USP28: variants seen among roughly 807,000 people sequenced by gnomAD.
USP28 encodes the protein ubiquitin carboxyl-terminal hydrolase 28.
A neutral mutation model predicts 145.0 loss-of-function variants in USP28; 113 were observed. The observed-to-expected ratio is 0.78, with a 90% confidence interval of 0.67 to 0.91. The LOEUF (loss-of-function observed/expected upper bound fraction) is 0.91. Among genes scored for constraint, USP28 ranks in the 40% least tolerant of loss-of-function variants. USP28 has a pLI of 0.00. For missense variants in USP28, 1,201 were observed against 1,289.6 expected (o/e 0.93, Z 1.05); for synonymous variants, 447 against 450.9 (o/e 0.99, Z 0.11).
intron 15 of USP28, among the ~76,000 whole-genome samples, chr11:113,813,381 C>T (rs1346406883): frequency 6.6e-6 from 1 of 152,188 alleles, no homozygotes; most frequent in East Asian, 1.9e-4. Context: ...CTCCTGGAGG[C>T]TCTTTACCCC....
chr11:113,852,339 C>A (rs2428008), intron 3 of USP28, among the ~76,000 whole-genome samples, 162 bp downstream of exon 3: 121,398 of 152,274 alleles, frequency 0.8, 48,624 homozygotes, highest in East Asian at 0.89. Context: ...GAACTTTTTA[C>A]GTGCTTAGAA....
exon 17 of USP28, chr11:113,809,080 T>C (rs750715680): frequency 1.9e-6 from 3 of 1,613,980 alleles, no homozygotes; most frequent in Admixed American, 3.3e-5. Context: ...TGTAGAGTAG[T>C]CCTGTGATGA....
chr11:113,819,304 G>C (rs1213914568), intron 12 of USP28, among the ~76,000 whole-genome samples: 1 of 151,870 alleles, frequency 6.6e-6, no homozygotes, highest in Non-Finnish European at 1.5e-5. Flanking sequence ...GTAGAGATGG[G>C]GTTTTGCTGT....
chr11:113,803,225 A>T (rs942580497), exon 23 of USP28: 1 of 1,614,052 alleles, frequency 6.2e-7, no homozygotes, highest in Non-Finnish European at 8.5e-7. Context: ...CCCCTTCATC[A>T]GCAGGGCAGC....
At position 113,834,417 on chromosome 11, in the gene USP28, T is replaced by G. The variant is rs140335354; in HGVS notation, c.535-82A>C. 2.6e-5 allele frequency: 25 copies of G among 948,760 alleles called. No homozygotes were observed. In the African/African-American group the frequency reaches 4.3e-4, roughly 16 times the overall value. 58.8% of individuals were successfully genotyped at this position (948,760 alleles called of 1,614,324 possible). A position where few individuals can be genotyped will look rare whatever the true frequency, so the allele number is the denominator to read the frequency against. On this transcript the variant is annotated intron_variant, in intron 5 of 24. Coordinates refer to ENST00000003302, the Ensembl canonical transcript of USP28. ...TATGTATTTTTCACTTCAAATATTT[T>G]ATTTCATATTTAAAAGTATGCAAAA...
At chr11:113,834,198 G>A in intron 6 of USP28, 51 bp downstream of exon 6, 2 of 1,404,980 alleles carry the variant, frequency 1.4e-6, no homozygotes, top group Non-Finnish European at 2.0e-6. Flanking sequence ...AGAAGCCTTA[G>A]GGATGAAAGG....
At chr11:113,832,828 T>C (rs1351643496) in intron 7 of USP28, among the ~76,000 whole-genome samples, 1 of 152,130 alleles carries the variant, frequency 6.6e-6, no homozygotes, top group African/African-American at 2.4e-5. Flanking sequence ...TGGAGTACAG[T>C]AGTGCAATCA....
At position 113,805,144 on chromosome 11, in the gene USP28, A is replaced by AATTTT. The variant is rs1939722301; in HGVS notation, c.2401-99_2401-98insAAAAT. On this transcript the variant is annotated intron_variant, in intron 19 of 24. Coordinates refer to ENST00000003302, the Ensembl canonical transcript of USP28. Reference sequence around the variant, plus strand: ...AGCTAGGCAGTCTCTTGACTCTAAAAAGACTTCTAAAAAATTCATATCGAA... The same window carrying AATTTT: ...AGCTAGGCAGTCTCTTGACTCTAAAAATTTTAGACTTCTAAAAAATTCATATCGAA... The AATTTT allele has an allele frequency of 5.5e-5, 60 of 1,091,718 alleles. 1 individual carries two copies. The East Asian group carries it at 1.5e-3, about 28-fold the overall frequency. 67.6% of individuals were successfully genotyped at this position (1,091,718 alleles called of 1,614,324 possible).
Position 113,832,039 on chromosome 11 carries a change from G to A in USP28, c.760-46C>T, listed in dbSNP as rs921317754. On this transcript the variant is annotated intron_variant, in intron 7 of 24. Coordinates refer to ENST00000003302, the Ensembl canonical transcript of USP28. ...GCATAAAAGTTAGATGCAATACTAA[G>A]AGAAATTAAAATTTATCCTTATCCC... 2.0e-6 allele frequency: 3 copies of A among 1,497,334 alleles called. No homozygotes were observed. The African/African-American group carries it at 4.2e-5, about 21-fold the overall frequency. 92.8% of individuals were successfully genotyped at this position (1,497,334 alleles called of 1,614,324 possible).
intron 1 of USP28, among the ~76,000 whole-genome samples, chr11:113,869,239 C>T (rs1948584158): frequency 6.6e-6 from 1 of 152,180 alleles, no homozygotes; most frequent in African/African-American, 2.4e-5. Context: ...TCAAGACCAG[C>T]CTGGCCAACA....
At chr11:113,814,436 A>C (rs1340743928) in intron 14 of USP28, among the ~76,000 whole-genome samples, 1 of 152,188 alleles carries the variant, frequency 6.6e-6, no homozygotes. Context: ...TTAAGAATAC[A>C]ATGCTGAATA....
chr11:113,854,818 T>C (rs969725703), intron 1 of USP28, among the ~76,000 whole-genome samples: 5 of 152,242 alleles, frequency 3.3e-5, no homozygotes, highest in African/African-American at 7.2e-5. Flanking sequence ...TGGAAATACC[T>C]TTGGTACTTA....
intron 5 of USP28, 101 bp downstream of exon 5, chr11:113,840,497 A>T (rs1382025199): frequency 1.4e-6 from 2 of 1,415,468 alleles, no homozygotes; most frequent in African/African-American, 1.5e-5. Flanking sequence ...CTAATTTTAA[A>T]TATCTATTTT....
chr11:113,803,424 T>C, intron 22 of USP28, 143 bp from the exon 24 acceptor site: 1 of 968,112 alleles, frequency 1.0e-6, no homozygotes. Context: ...CAGTCTCATC[T>C]CTTCTACAAA....
chr11:113,852,894 T>C (rs1946632959), intron 2 of USP28, among the ~76,000 whole-genome samples: 1 of 152,052 alleles, frequency 6.6e-6, no homozygotes, highest in Non-Finnish European at 1.5e-5. Context: ...TTTGTTCCCA[T>C]TGCTTCGGAT....
intron 12 of USP28, chr11:113,822,357 A>T (rs1591252955): frequency 6.6e-6 from 1 of 152,482 alleles, no homozygotes; most frequent in African/African-American, 2.4e-5. Context: ...GCTGAGGCAG[A>T]AGAATCGCTT....
At chr11:113,808,526 A>C in intron 17 of USP28, 89 bp from the exon 18 acceptor site, 1 of 1,398,986 alleles carries the variant, frequency 7.1e-7, no homozygotes. Context: ...TATACAGTTT[A>C]ATATACAACC....
intron 1 of USP28, among the ~76,000 whole-genome samples, chr11:113,871,629 GA>G (rs1233581007): frequency 1.3e-5 from 2 of 152,112 alleles, no homozygotes; most frequent in East Asian, 1.9e-4. Flanking sequence ...TCTAAGAAAT[GA>G]AAGGGGGAAA....
chr11:113,841,558 C>A lies in USP28; in HGVS notation c.374+105G>T, dbSNP rs1052774033. The A allele has an allele frequency of 7.3e-6, 5 of 685,680 alleles. No individual in the cohort carries two copies. The African/African-American group carries it at 9.1e-5, about 12-fold the overall frequency. The allele number at this position is 685,680 out of a possible 1,614,324, so 42.5% of individuals were successfully genotyped here. ...TCAAAATTTCTCCTAAAAGAAATGT[C>A]ATTCAGGTGCTTAACAGAATTATTC... is the stretch of plus-strand genomic sequence containing the variant. On this transcript the variant is annotated intron_variant, in intron 4 of 24. Coordinates refer to ENST00000003302, the Ensembl canonical transcript of USP28.
Sources: allele counts gnomAD v4.1 joint callset (sites outside exome capture counted in the v4.1 genomes callset), GRCh38; gene constraint gnomAD v4.1.1; transcripts MANE v1.5; gene names NCBI Gene and HGNC (gene_info 2026-07-23, HGNC 2026-07-21).